UBA6: variants seen among roughly 807,000 people sequenced by gnomAD.
UBA6 encodes ubiquitin like modifier activating enzyme 6, also known as ubiquitin-like modifier-activating enzyme 6.
Under a neutral mutation model 148.3 loss-of-function variants are expected in UBA6, and 87 were observed. The ratio of observed to expected loss-of-function variants is 0.59; its 90% CI spans 0.49 to 0.70. UBA6 has a LOEUF of 0.70. Ranked by LOEUF, UBA6 falls within the 30% of genes least tolerant of loss-of-function variation. UBA6 has a pLI of 0.00. For missense variants in UBA6, 1,186 were observed against 1,241.2 expected, an observed-to-expected ratio of 0.96 and a Z score of 0.67; for synonymous variants, 376 against 401.0, an observed-to-expected ratio of 0.94 and a Z score of 0.75.
At chr4:67,666,430 G>A (rs1253068758) in intron 9 of UBA6, among the ~76,000 whole-genome samples, 1 of 151,006 alleles carries the variant, frequency 6.6e-6, no homozygotes, top group Non-Finnish European at 1.5e-5. Context: ...TAGACAGAAT[G>A]GTCAGCAGAG....
chr4:67,650,724 C>T (rs1477731940), intron 13 of UBA6, among the ~76,000 whole-genome samples: 1 of 152,026 alleles, frequency 6.6e-6, no homozygotes. Context: ...GAGTGAAAGG[C>T]CTTATGGTAA....
intron 15 of UBA6, 24 bp from the exon 16 acceptor site, chr4:67,646,040 A>T: frequency 7.2e-7 from 1 of 1,389,118 alleles, no homozygotes; most frequent in Non-Finnish European, 9.9e-7. Flanking sequence ...CATATACCAA[A>T]AAGCAGAAAT....
In UBA6 at chr4:67,665,261, G is replaced by A. The variant is rs1164822838; in HGVS notation, c.825C>T (p.Asp275=). The A allele has an allele frequency of 8.1e-6, 13 of 1,604,926 alleles. No homozygotes were observed. In the Admixed American group the frequency reaches 1.0e-4, roughly 13 times the overall value. ...GTAAATATGGTTCCAGTTCTGTGGT[G>A]TCACCAATACTAAAAGAAAATGGCG... ...VISPFSFSIG[D]TTELEPYLHG... Residue 275 remains aspartate, a synonymous_variant, in exon 10 of 33, where the codon GAC becomes GAT. Transcript: ENST00000322244.
chr4:67,651,623 A>G (rs947676182), intron 13 of UBA6, among the ~76,000 whole-genome samples: 40 of 152,300 alleles, frequency 2.6e-4, no homozygotes, highest in African/African-American at 9.6e-4. Flanking sequence ...TATGAAACAT[A>G]TAAAAACTCA....
At chr4:67,653,317 C>G (rs569114165) in intron 13 of UBA6, among the ~76,000 whole-genome samples, 1 of 152,122 alleles carries the variant, frequency 6.6e-6, no homozygotes, top group East Asian at 1.9e-4. Context: ...CCCTCTGGGA[C>G]GAAGCTTCCA....
At chr4:67,649,739 T>C (rs566182111) in intron 13 of UBA6, among the ~76,000 whole-genome samples, 35 of 152,274 alleles carry the variant, frequency 2.3e-4, no homozygotes, top group African/African-American at 7.2e-4. Context: ...TTAAAAGTTA[T>C]GTATCTCAAA....
chr4:67,665,151 TA>T (rs747955977), intron 10 of UBA6, 37 bp downstream of exon 10: 11 of 1,327,974 alleles, frequency 8.3e-6, no homozygotes, highest in Admixed American at 2.1e-5. Flanking sequence ...TCTTTTTCTG[TA>T]AAAAAATGTT....
intron 22 of UBA6, 65 bp from the exon 23 acceptor site, chr4:67,633,538 C>CA: frequency 1.4e-6 from 2 of 1,412,642 alleles, no homozygotes; most frequent in Non-Finnish European, 1.9e-6. Flanking sequence ...CATCCCTCAC[C>CA]AAAAGTTAGC....
chr4:67,619,087 A>G lies in UBA6; in HGVS notation c.3069T>C (p.Asp1023=). ...TGTCTGGAGCAAATGACACAGTAAG[A>G]TCCACATATTTCTTTTCAGTAGTAG... The part of the protein sequence containing the change: ...VKPTTEKKYV[D]LTVSFAPDID... The change falls in exon 33 of 33, where the codon GAT becomes GAC. Residue 1023 remains aspartate, a synonymous_variant. Transcript: ENST00000322244. 5 of 1,611,898 alleles carry G rather than the reference A, an allele frequency of 3.1e-6. No individual in the cohort carries two copies. Among genetic ancestry groups the G allele is most frequent in the Non-Finnish European group, 4.2e-6 (5 of 1,178,056 alleles).
intron 2 of UBA6, among the ~76,000 whole-genome samples, chr4:67,689,801 T>A (rs1205412718): frequency 6.6e-6 from 1 of 152,102 alleles, no homozygotes; most frequent in African/African-American, 2.4e-5. Context: ...AGTCTTAGGT[T>A]CCAGACTACA....
At chr4:67,644,552 G>A in intron 17 of UBA6, 146 bp downstream of exon 17, 1 of 579,868 alleles carries the variant, frequency 1.7e-6, no homozygotes, top group East Asian at 2.8e-5. Context: ...TTGAAAAGTG[G>A]TCAGAAGGGC....
At chr4:67,644,818 CCTAT>C (rs757844224) in intron 16 of UBA6, 40 bp from the exon 17 acceptor site, 17 of 994,410 alleles carry the variant, frequency 1.7e-5, no homozygotes, top group Non-Finnish European at 2.2e-5. Flanking sequence ...ATTAAAATAA[CCTAT>C]CTGTGAATCA....
In UBA6 at chr4:67,663,944, A is replaced by T. The variant is rs754224577; in HGVS notation, c.901T>A (p.Ser301Thr). The change falls in exon 11 of 33, where the codon TCA (serine) becomes ACA (threonine). Residue 301 changes from serine (S) to threonine (T), a missense_variant. Physicochemically the swap from Ser to Thr is moderately conservative, Grantham distance 58 (BLOSUM62 1). Coordinates refer to ENST00000322244, the MANE Select transcript of UBA6 (RefSeq NM_018227.6). Reference sequence around the variant, plus strand: ...GGATGTTTTAACTGCCTCTCCAGTGATTCCTGATAGGAAGGAAAAAGTCAT... The same window carrying T: ...GGATGTTTTAACTGCCTCTCCAGTGTTTCCTGATAGGAAGGAAAAAGTCAT... ...VKTPKTVFFE[S>T]LERQLKHPKC... 1 of 1,612,160 alleles carries T rather than the reference A, an allele frequency of 6.2e-7. No individual in the cohort carries two copies. The highest frequency in any genetic ancestry group is 1.3e-5 in the African/African-American group (1 of 74,968).
intron 12 of UBA6, 52 bp from the exon 13 acceptor site, chr4:67,662,307 C>T (rs756033875): frequency 4.0e-6 from 6 of 1,484,486 alleles, no homozygotes; most frequent in Non-Finnish European, 5.5e-6. Context: ...CTGCCATAAA[C>T]AGTAGGACAT....
intron 17 of UBA6, among the ~76,000 whole-genome samples, chr4:67,643,048 T>G (rs971631886): frequency 6.6e-6 from 1 of 151,938 alleles, no homozygotes; most frequent in African/African-American, 2.4e-5. Context: ...TGCCTTTTTT[T>G]CCCGTTTCTA....
chr4:67,619,351 G>A (rs952786937), intron 32 of UBA6, among the ~76,000 whole-genome samples: 2 of 152,132 alleles, frequency 1.3e-5, no homozygotes, highest in Admixed American at 1.3e-4. Flanking sequence ...GGACACACTG[G>A]TCATGATAAA....
At chr4:67,621,662 G>A (rs556195358) in intron 32 of UBA6, among the ~76,000 whole-genome samples, 1 of 152,208 alleles carries the variant, frequency 6.6e-6, no homozygotes, top group East Asian at 1.9e-4. Flanking sequence ...AATTAGCCAG[G>A]TGTGGTGTTG....
chr4:67,623,359 T>A, intron 30 of UBA6, 137 bp from the exon 31 acceptor site: 1 of 618,656 alleles, frequency 1.6e-6, no homozygotes, highest in Non-Finnish European at 2.9e-6. Context: ...AAATAAAGGA[T>A]AATATATCTT....
chr4:67,694,235 AAAAAAAAAAG>A, intron 2 of UBA6, among the ~76,000 whole-genome samples: 1 of 144,462 alleles, frequency 6.9e-6, no homozygotes, highest in Non-Finnish European at 1.5e-5. Context: ...AAAAAAAAAA[AAAAAAAAAAG>A]AAAAAATACA....
Sources: gnomAD v4.1 joint callset for allele counts (sites outside exome capture counted in the v4.1 genomes callset) on GRCh38, gnomAD v4.1.1 for gene constraint, MANE v1.5 for transcripts, NCBI Gene and HGNC (gene_info 2026-07-23, HGNC 2026-07-21) for gene names.